Variants in SYN3 observed in about 807,000 individuals in gnomAD.
SYN3 encodes synapsin-3.
In SYN3, 35 loss-of-function variants were observed where a neutral mutation model predicts 65.8. The ratio of observed to expected loss-of-function variants is 0.53; its 90% confidence interval spans 0.41 to 0.70. The LOEUF (loss-of-function observed/expected upper bound fraction) is 0.70. SYN3 is among the 30% of genes least tolerant of loss of function. The probability of loss-of-function intolerance (pLI) is 0.00; values close to 1 mark genes in which losing one functional copy is unlikely to be tolerated. For missense variants in SYN3, 680 were observed against 749.0 expected (o/e 0.91, Z 1.08); for synonymous variants, 270 against 292.9 (o/e 0.92, Z 0.80).
intron 6 of SYN3, among the ~76,000 whole-genome samples, chr22:32,614,427 C>T: frequency 6.6e-6 from 1 of 152,240 alleles, no homozygotes; most frequent in East Asian, 1.9e-4. Flanking sequence ...TGTATGGACA[C>T]AGTGGAGGGA....
chr22:33,049,548 G>T (rs73881949), intron 1 of SYN3, among the ~76,000 whole-genome samples: 1 of 152,056 alleles, frequency 6.6e-6, no homozygotes, highest in Non-Finnish European at 1.5e-5. Flanking sequence ...TAATAACCAC[G>T]GGATGGTTTT....
At chr22:32,878,480 AT>A (rs1156257966) in intron 4 of SYN3, among the ~76,000 whole-genome samples, 5 of 152,148 alleles carry the variant, frequency 3.3e-5, no homozygotes, top group African/African-American at 1.2e-4. Context: ...CCTTCATCTT[AT>A]TCCTCTCTGT....
intron 1 of SYN3, among the ~76,000 whole-genome samples, chr22:33,040,620 G>T (rs958721241): frequency 6.6e-6 from 1 of 152,100 alleles, no homozygotes; most frequent in African/African-American, 2.4e-5. Flanking sequence ...ATCTTGAATT[G>T]TAACTCCCAT....
chr22:32,715,408 C>G (rs982433890), intron 6 of SYN3, among the ~76,000 whole-genome samples: 4 of 152,208 alleles, frequency 2.6e-5, no homozygotes, highest in Non-Finnish European at 4.4e-5. Flanking sequence ...TCCTGAAACA[C>G]ACTTTGGGAA....
At chr22:33,026,950 CTTTCTTCCCTTCTTTAT>C (rs1157018599) in intron 1 of SYN3, among the ~76,000 whole-genome samples, 2 of 152,166 alleles carry the variant, frequency 1.3e-5, no homozygotes, top group Non-Finnish European at 2.9e-5. Flanking sequence ...GGAACTCCGT[CTTTCTTCCCTTCTTTAT>C]TTTCTTTCCT....
At chr22:32,904,159 T>G (rs2049838821) in intron 4 of SYN3, among the ~76,000 whole-genome samples, 1 of 152,250 alleles carries the variant, frequency 6.6e-6, no homozygotes, top group Non-Finnish European at 1.5e-5. Flanking sequence ...TGGCCAAGCT[T>G]GTTTCCTTTT....
At chr22:32,688,688 C>G (rs1377420607) in intron 6 of SYN3, among the ~76,000 whole-genome samples, 2 of 148,002 alleles carry the variant, frequency 1.4e-5, no homozygotes, top group African/African-American at 2.5e-5. Context: ...CAGGCAGAGC[C>G]TTGTCCTCCA....
chr22:32,995,542 G>A (rs749823415), intron 2 of SYN3, among the ~76,000 whole-genome samples: 13 of 152,108 alleles, frequency 8.5e-5, no homozygotes, highest in Non-Finnish European at 1.9e-4. Flanking sequence ...CTTCCTCCAC[G>A]TGGCACAGGT....
Position 32,676,573 on chromosome 22 carries a change from C to T in SYN3, c.712-79837G>A, listed in dbSNP as rs200202105. On this transcript the variant is annotated intron_variant, in intron 6 of 13. Coordinates refer to ENST00000358763, the MANE Select transcript of SYN3 (RefSeq NM_003490.4). ...TTTTTTTTTTGACAGAGTCTCGCTC[C>T]GTTGCCCAGGCTGGAATGCAGTGGC... is the stretch of plus-strand genomic sequence containing the variant. Among the ~76,000 whole-genome samples the T allele has an allele frequency of 2.1e-4, 27 of 127,876 alleles. No homozygotes were observed. The East Asian group carries it at 5.8e-3, about 28-fold the overall frequency. The allele number at this position is 127,876 out of a possible 152,430, so 83.9% of individuals were successfully genotyped here.
chr22:32,597,984 T>C (rs1203581645), intron 6 of SYN3, among the ~76,000 whole-genome samples: 1 of 152,192 alleles, frequency 6.6e-6, no homozygotes, highest in Non-Finnish European at 1.5e-5. Context: ...GTTCATGTGT[T>C]TTTTGAGGGT....
At chr22:32,525,478 C>T (rs1157850997) in intron 12 of SYN3, among the ~76,000 whole-genome samples, 1 of 152,046 alleles carries the variant, frequency 6.6e-6, no homozygotes, top group Non-Finnish European at 1.5e-5. Flanking sequence ...GAGGCTGAGG[C>T]GGGCGGATCA....
At chr22:32,784,106 T>C (rs1347054095) in intron 6 of SYN3, among the ~76,000 whole-genome samples, 1 of 152,184 alleles carries the variant, frequency 6.6e-6, no homozygotes. Context: ...AGACCCTGTG[T>C]TTTCTGGGGC....
chr22:32,559,140 C>G (rs976775249), intron 7 of SYN3, among the ~76,000 whole-genome samples: 4 of 152,152 alleles, frequency 2.6e-5, no homozygotes, highest in African/African-American at 4.8e-5. Context: ...TGCGGCCCAG[C>G]AAGGTTATGT....
At chr22:32,539,226 G>A (rs537821854) in intron 8 of SYN3, among the ~76,000 whole-genome samples, 11 of 152,254 alleles carry the variant, frequency 7.2e-5, no homozygotes, top group African/African-American at 2.6e-4. Context: ...GAGCCATAAG[G>A]CACTGCACCG....
chr22:32,776,306 C>T (rs932616680), intron 6 of SYN3, among the ~76,000 whole-genome samples: 1 of 152,104 alleles, frequency 6.6e-6, no homozygotes, highest in Non-Finnish European at 1.5e-5. Context: ...TTTTAAGTCA[C>T]TTGGTGAATG....
chr22:32,983,343 C>G (rs2052425639), intron 2 of SYN3, among the ~76,000 whole-genome samples: 2 of 152,102 alleles, frequency 1.3e-5, no homozygotes, highest in Non-Finnish European at 2.9e-5. Context: ...CTACTCTTTT[C>G]CTTGGAAGAT....
intron 6 of SYN3, among the ~76,000 whole-genome samples, chr22:32,732,907 T>C (rs1231736806): frequency 6.6e-6 from 1 of 152,232 alleles, no homozygotes; most frequent in Non-Finnish European, 1.5e-5. Context: ...TCCATAAGTC[T>C]TATATTATCC....
chr22:32,701,419 A>G (rs767851696), intron 6 of SYN3, among the ~76,000 whole-genome samples: 4 of 152,230 alleles, frequency 2.6e-5, no homozygotes, highest in Non-Finnish European at 5.9e-5. Flanking sequence ...GAAAGCAGAA[A>G]AATATAACCC....
At chr22:32,540,174 G>A (rs899994133) in intron 8 of SYN3, among the ~76,000 whole-genome samples, 6 of 152,152 alleles carry the variant, frequency 3.9e-5, no homozygotes, top group Non-Finnish European at 7.3e-5. Context: ...TTACCACCTG[G>A]CCCTCTACAG....
Sources: gnomAD v4.1 joint callset for allele counts (sites outside exome capture counted in the v4.1 genomes callset) on GRCh38, gnomAD v4.1.1 for gene constraint, MANE v1.5 for transcripts, NCBI Gene and HGNC (gene_info 2026-07-23, HGNC 2026-07-21) for gene names.